Variants in ITPR1 observed in about 807,000 individuals in gnomAD.
The protein encoded by ITPR1 is inositol 1,4,5-trisphosphate-gated calcium channel ITPR1.
In ITPR1, 96 loss-of-function variants were observed where a neutral mutation model predicts 318.4. The ratio of observed to expected loss-of-function variants is 0.30; its 90% CI spans 0.26 to 0.36. ITPR1 has a LOEUF of 0.36. Among genes scored for constraint, ITPR1 ranks in the 10% least tolerant of loss-of-function variants. The pLI is 1.00. For synonymous variants in ITPR1, 1,312 were observed against 1,289.9 expected, an observed-to-expected ratio of 1.02 and a Z score of -0.37; for missense variants, 2,440 against 3,460.2, an observed-to-expected ratio of 0.71 and a Z score of 7.40.
chr3:4,675,309 CAT>C, intron 23 of ITPR1, 61 bp downstream of exon 23: 2 of 1,198,014 alleles, frequency 1.7e-6, no homozygotes, highest in Non-Finnish European at 2.4e-6. Context: ...CTGTTATGCT[CAT>C]GTCATACCCT....
intron 4 of ITPR1, among the ~76,000 whole-genome samples, chr3:4,593,936 T>C (rs1221477136): frequency 2.0e-5 from 3 of 152,176 alleles, no homozygotes; most frequent in Non-Finnish European, 4.4e-5. Flanking sequence ...ATCAACAGTG[T>C]TTCTGAAAGC....
At chr3:4,569,591 C>T (rs1371937398) in intron 4 of ITPR1, among the ~76,000 whole-genome samples, 1 of 152,160 alleles carries the variant, frequency 6.6e-6, no homozygotes, top group Non-Finnish European at 1.5e-5. Flanking sequence ...ATGCCTTTTA[C>T]TTTCTTTTTG....
chr3:4,796,107 T>G (rs1015474123), intron 53 of ITPR1, among the ~76,000 whole-genome samples: 1 of 152,136 alleles, frequency 6.6e-6, no homozygotes, highest in Non-Finnish European at 1.5e-5. Flanking sequence ...CATGCAGACA[T>G]CAACGGAAGC....
chr3:4,844,977 A>C (rs1479982894), intron 61 of ITPR1, among the ~76,000 whole-genome samples: 2 of 152,226 alleles, frequency 1.3e-5, no homozygotes, highest in African/African-American at 4.8e-5. Context: ...AAATGAGTTC[A>C]TGTGAAAAGT....
intron 6 of ITPR1, among the ~76,000 whole-genome samples, chr3:4,639,682 C>T (rs1182470327): frequency 6.6e-6 from 1 of 152,196 alleles, no homozygotes; most frequent in Admixed American, 6.5e-5. Context: ...ATCTACTTCT[C>T]TCTGTCTGTG....
intron 56 of ITPR1, 59 bp downstream of exon 56, chr3:4,811,519 G>A: frequency 7.4e-7 from 1 of 1,354,922 alleles, no homozygotes; most frequent in Non-Finnish European, 1.0e-6. Context: ...GATTATAACT[G>A]AACTAAAGAA....
At chr3:4,562,721 G>A (rs867817320) in intron 4 of ITPR1, among the ~76,000 whole-genome samples, 9 of 95,022 alleles carry the variant, frequency 9.5e-5, no homozygotes, top group Non-Finnish European at 1.9e-4. Flanking sequence ...AAGGTGGTAC[G>A]CATTCATTAA....
At chr3:4,845,578 T>C (rs996116921) in intron 61 of ITPR1, among the ~76,000 whole-genome samples, 1 of 152,214 alleles carries the variant, frequency 6.6e-6, no homozygotes, top group African/African-American at 2.4e-5. Flanking sequence ...GGTCACAGCA[T>C]TATTTACAGC....
At chr3:4,530,980 G>C (rs2083368271) in intron 4 of ITPR1, among the ~76,000 whole-genome samples, 1 of 152,098 alleles carries the variant, frequency 6.6e-6, no homozygotes, top group Non-Finnish European at 1.5e-5. Flanking sequence ...TAATTGTTAA[G>C]TACCTTCCTC....
chr3:4,826,537 G>A lies in ITPR1; in HGVS notation c.8028+8295G>A, dbSNP rs545201732. Among the ~76,000 whole-genome samples, 4 of 152,166 alleles carry A rather than the reference G, an allele frequency of 2.6e-5. No individual in the cohort carries two copies. Among genetic ancestry groups the A allele is most frequent in the East Asian group, 1.9e-4 (1 of 5,194 alleles). ...ACAGTGTGTCAGCGTCACTGGACTCGCCGCCCAGCCAGCCAGCCAGGCCTC... is the reference window on the plus strand; with the variant it reads ...ACAGTGTGTCAGCGTCACTGGACTCACCGCCCAGCCAGCCAGCCAGGCCTC... On this transcript the variant is annotated intron_variant, in intron 60 of 61. Coordinates refer to ENST00000649015, the MANE Select transcript of ITPR1 (RefSeq NM_001378452.1). The surrounding 1 kb of genome is among the most constrained non-coding windows in gnomAD (Gnocchi z 4.2).
intron 37 of ITPR1, among the ~76,000 whole-genome samples, chr3:4,707,862 G>A (rs779751239): frequency 1.3e-5 from 2 of 152,170 alleles, no homozygotes; most frequent in African/African-American, 2.4e-5. Flanking sequence ...AGATGAATTC[G>A]TTAAATCATT....
At chr3:4,496,408 T>G (rs958205772) in intron 2 of ITPR1, among the ~76,000 whole-genome samples, 7 of 152,192 alleles carry the variant, frequency 4.6e-5, no homozygotes, top group African/African-American at 1.7e-4. Context: ...CCTTTCAAGA[T>G]ATCATTCTTA....
At chr3:4,765,597 C>T (rs1197221641) in intron 44 of ITPR1, among the ~76,000 whole-genome samples, 1 of 151,802 alleles carries the variant, frequency 6.6e-6, no homozygotes, top group Non-Finnish European at 1.5e-5. Flanking sequence ...GCCATCTTTC[C>T]AAATGGAAAG....
chr3:4,539,782 A>T (rs1220977804), intron 4 of ITPR1, among the ~76,000 whole-genome samples: 1 of 152,290 alleles, frequency 6.6e-6, no homozygotes, highest in African/African-American at 2.4e-5. Context: ...GTACATTAGC[A>T]TGCTCAGCCC....
chr3:4,805,242 G>C (rs1207312612), intron 54 of ITPR1, among the ~76,000 whole-genome samples: 1 of 152,156 alleles, frequency 6.6e-6, no homozygotes, highest in Non-Finnish European at 1.5e-5. Flanking sequence ...CCATCTTTTG[G>C]CTCTGTGTCC....
intron 45 of ITPR1, among the ~76,000 whole-genome samples, chr3:4,767,992 C>A (rs75162100): frequency 6.6e-6 from 1 of 152,270 alleles, no homozygotes; most frequent in Non-Finnish European, 1.5e-5. Context: ...CGTGTCTGGC[C>A]GCAGAGTCAG....
chr3:4,818,921 G>A (rs555260987), intron 60 of ITPR1, among the ~76,000 whole-genome samples: 7 of 152,236 alleles, frequency 4.6e-5, no homozygotes, highest in South Asian at 4.1e-4. Flanking sequence ...TGTGCTTTCC[G>A]AACATCATTA....
At chr3:4,529,875 G>T (rs974150761) in intron 4 of ITPR1, among the ~76,000 whole-genome samples, 3 of 152,086 alleles carry the variant, frequency 2.0e-5, no homozygotes, top group Admixed American at 2.0e-4. Flanking sequence ...AAGTAAGACC[G>T]GTACCTTTCT....
At chr3:4,607,861 C>T (rs1035126272) in intron 4 of ITPR1, among the ~76,000 whole-genome samples, 1 of 152,086 alleles carries the variant, frequency 6.6e-6, no homozygotes, top group African/African-American at 2.4e-5. Flanking sequence ...AGTGATGTTA[C>T]CTGCAGTAGT....
Sources: gnomAD v4.1 joint callset for allele counts (sites outside exome capture counted in the v4.1 genomes callset) on GRCh38, gnomAD v4.1.1 for gene constraint, Gnocchi (gnomAD v3.1) non-coding constraint, MANE v1.5 for transcripts, NCBI Gene and HGNC (gene_info 2026-07-23, HGNC 2026-07-21) for gene names.